Variants in UGT1A10 observed in about 807,000 individuals in gnomAD.
UGT1A10 encodes the protein UDP-glucuronosyltransferase 1A10.
In UGT1A10, 49 loss-of-function variants were observed where a neutral mutation model predicts 45.8. The observed-to-expected ratio is 1.07, with a 90% CI of 0.85 to 1.36. UGT1A10 has a LOEUF of 1.36. Ranked by LOEUF, UGT1A10 falls within the 40% of genes most tolerant of loss-of-function variation. The probability of loss-of-function intolerance (pLI) is 0.00; values close to 1 mark genes in which losing one functional copy is unlikely to be tolerated. For missense variants in UGT1A10, 745 were observed against 668.6 expected, an observed-to-expected ratio of 1.11 and a Z score of -1.26; for synonymous variants, 284 against 249.7, an observed-to-expected ratio of 1.14 and a Z score of -1.29.
intron 1 of UGT1A10, among the ~76,000 whole-genome samples, chr2:233,681,071 A>G (rs1238474354): frequency 6.6e-6 from 1 of 151,484 alleles, no homozygotes; most frequent in Non-Finnish European, 1.5e-5. Flanking sequence ...CTGTGTCACA[A>G]TTGTGGCTCA....
rs527645764 is a variant in UGT1A10, at chr2:233,659,361, A to T, written c.855+21984A>T. ...GCCTTACCAATAACGTAAATAGCCA[A>T]TGAACACATATTTGATATGCTTTAT... On this transcript the variant is annotated intron_variant, in intron 1 of 4. Transcript: ENST00000344644. 2.0e-5 allele frequency among the ~76,000 whole-genome samples: 3 copies of T among 152,226 alleles called. No individual in the cohort carries two copies. The East Asian group carries it at 5.8e-4, about 29-fold the overall frequency.
At chr2:233,664,618 G>C (rs530665977) in intron 1 of UGT1A10, among the ~76,000 whole-genome samples, 3 of 152,262 alleles carry the variant, frequency 2.0e-5, no homozygotes, top group East Asian at 3.9e-4. Flanking sequence ...AGAGAGAGTT[G>C]GTGGGGGAGG....
intron 1 of UGT1A10, among the ~76,000 whole-genome samples, chr2:233,661,078 T>G (rs1205806494): frequency 6.6e-6 from 1 of 152,154 alleles, no homozygotes; most frequent in Non-Finnish European, 1.5e-5. Flanking sequence ...AAAGCTGCAT[T>G]TTTTATAATA....
chr2:233,649,176 G>T, intron 1 of UGT1A10: 1 of 418,264 alleles, frequency 2.4e-6, no homozygotes, highest in Non-Finnish European at 3.8e-6. Context: ...CCACGTGTTT[G>T]TTGGTTAGCA....
intron 1 of UGT1A10, chr2:233,721,744 G>T: frequency 4.6e-6 from 2 of 439,016 alleles, no homozygotes; most frequent in South Asian, 1.7e-5. Flanking sequence ...AATGATGAGA[G>T]AATCTACATC....
intron 1 of UGT1A10, among the ~76,000 whole-genome samples, chr2:233,716,626 G>A (rs1294828995): frequency 6.6e-6 from 1 of 152,106 alleles, no homozygotes; most frequent in Non-Finnish European, 1.5e-5. Flanking sequence ...TTCTAGTGAA[G>A]TTTTTATCGT....
chr2:233,713,229 T>A, intron 1 of UGT1A10: 1 of 1,614,268 alleles, frequency 6.2e-7, no homozygotes, highest in East Asian at 2.2e-5. Context: ...CCTGACAACG[T>A]ATGCCATTTC....
intron 1 of UGT1A10, among the ~76,000 whole-genome samples, chr2:233,651,950 T>G (rs916653946): frequency 6.6e-6 from 1 of 151,988 alleles, no homozygotes; most frequent in Non-Finnish European, 1.5e-5. Context: ...TTAACCAAGA[T>G]AGCAGATCAT....
intron 1 of UGT1A10, among the ~76,000 whole-genome samples, chr2:233,649,465 G>C (rs1314990285): frequency 6.6e-6 from 1 of 152,102 alleles, no homozygotes; most frequent in Non-Finnish European, 1.5e-5. Flanking sequence ...TTGCAGTTTT[G>C]TATGCATGTG....
chr2:233,755,959 G>C (rs2125939484), intron 1 of UGT1A10: 1 of 152,196 alleles, frequency 6.6e-6, no homozygotes, highest in East Asian at 1.9e-4. Flanking sequence ...TTTAGTACTT[G>C]GCTCTATAGA....
At position 233,761,028 on chromosome 2, in the gene UGT1A10, A is replaced by G. The variant is rs1400753834; in HGVS notation, c.856-6006A>G. The G allele has an allele frequency of 9.3e-6, 15 of 1,614,144 alleles. No individual in the cohort carries two copies. Among genetic ancestry groups the G allele is most frequent in the Non-Finnish European group, 1.3e-5 (15 of 1,180,012 alleles). Reference sequence around the variant, plus strand: ...AGAGAGAGGTGACTGTCCAGGACCTATTGAGCTCTGCATCTGTCTGGCTGT... The same window carrying G: ...AGAGAGAGGTGACTGTCCAGGACCTGTTGAGCTCTGCATCTGTCTGGCTGT... On this transcript the variant is annotated intron_variant, in intron 1 of 4. Transcript: ENST00000344644.
At chr2:233,729,463 A>G (rs369094416) in intron 1 of UGT1A10, 48 of 1,614,060 alleles carry the variant, frequency 3.0e-5, no homozygotes, top group African/African-American at 4.0e-5. Flanking sequence ...ATTTTTCAGA[A>G]GTATGGCAAT....
intron 1 of UGT1A10, chr2:233,721,958 T>G (rs1019099547): frequency 6.3e-6 from 2 of 316,544 alleles, no homozygotes; most frequent in Non-Finnish European, 1.3e-5. Flanking sequence ...TCTTTGTATA[T>G]GCATACATTG....
At chr2:233,659,856 T>C (rs1308059298) in intron 1 of UGT1A10, among the ~76,000 whole-genome samples, 1 of 152,230 alleles carries the variant, frequency 6.6e-6, no homozygotes, top group African/African-American at 2.4e-5. Flanking sequence ...CGAGATTGTC[T>C]AATGTCAATT....
At chr2:233,672,977 G>C (rs1208714981) in intron 1 of UGT1A10, among the ~76,000 whole-genome samples, 2 of 152,078 alleles carry the variant, frequency 1.3e-5, no homozygotes, top group Non-Finnish European at 2.9e-5. Flanking sequence ...CCTTCTTGAA[G>C]ATATGTATTT....
chr2:233,761,011 G>T, intron 1 of UGT1A10: 1 of 1,614,156 alleles, frequency 6.2e-7, no homozygotes, highest in Non-Finnish European at 8.5e-7. Context: ...TCAGAGAGAG[G>T]TGACTGTCCA....
At chr2:233,707,732 A>G (rs1475890268) in intron 1 of UGT1A10, among the ~76,000 whole-genome samples, 1 of 152,222 alleles carries the variant, frequency 6.6e-6, no homozygotes, top group East Asian at 1.9e-4. Flanking sequence ...GTTACAACGA[A>G]CATTCTTTTA....
At chr2:233,750,863 G>A (rs1036231248) in intron 1 of UGT1A10, 1 of 151,894 alleles carries the variant, frequency 6.6e-6, no homozygotes, top group Non-Finnish European at 1.5e-5. Context: ...CCAGGCAGAA[G>A]TTTGCTGCAT....
chr2:233,754,215 T>A (rs1387155236), intron 1 of UGT1A10: 1 of 166,766 alleles, frequency 6.0e-6, no homozygotes, highest in Non-Finnish European at 1.3e-5. Flanking sequence ...GTCAAATGAT[T>A]TAGAGCAAAC....
Sources: allele counts gnomAD v4.1 joint callset (sites outside exome capture counted in the v4.1 genomes callset), GRCh38; gene constraint gnomAD v4.1.1; transcripts MANE v1.5; gene names NCBI Gene and HGNC (gene_info 2026-07-23, HGNC 2026-07-21).